Variants in NRXN1 observed in about 807,000 individuals in gnomAD.
NRXN1 encodes neurexin-1.
A neutral mutation model predicts 150.9 loss-of-function variants in NRXN1; 39 were observed. The ratio of observed to expected loss-of-function variants is 0.26; its 90% CI spans 0.20 to 0.34. The LOEUF (loss-of-function observed/expected upper bound fraction) is 0.34, where lower values mean the gene tolerates loss of function less well. Ranked by LOEUF, NRXN1 falls within the 10% of genes least tolerant of loss-of-function variation. NRXN1 has a pLI of 1.00. For synonymous variants in NRXN1, 924 were observed against 757.0 expected (o/e 1.22, Z -3.62); for missense variants, 1,815 against 1,949.9 (o/e 0.93, Z 1.30).
rs538235550 is a variant in NRXN1, at chr2:50,550,983, T to C, written c.1759+1604A>G. ...GGCGTGAGCCACCGCGCCCAGCCTCTTCTCAGCTTAAATCAGAAAGAAGAG... is the reference window on the plus strand; with the variant it reads ...GGCGTGAGCCACCGCGCCCAGCCTCCTCTCAGCTTAAATCAGAAAGAAGAG... On this transcript the variant is annotated intron_variant, in intron 9 of 22. Coordinates refer to ENST00000401669, the MANE Select transcript of NRXN1 (RefSeq NM_001330078.2). Among the ~76,000 whole-genome samples the C allele has an allele frequency of 3.3e-5, 5 of 150,150 alleles. No homozygotes were observed. The South Asian group carries it at 1.0e-3, about 31-fold the overall frequency.
chr2:50,031,392 C>A (rs1689157116), intron 21 of NRXN1, among the ~76,000 whole-genome samples: 1 of 151,826 alleles, frequency 6.6e-6, no homozygotes. Context: ...AATTATCTTG[C>A]TTATTACTTA....
At chr2:50,354,558 T>C (rs188154430) in intron 17 of NRXN1, among the ~76,000 whole-genome samples, 3,774 of 116,722 alleles carry the variant, frequency 0.032, 105 homozygotes, top group Non-Finnish European at 0.038. Flanking sequence ...TGCATACATA[T>C]ATATATATAT....
intron 5 of NRXN1, among the ~76,000 whole-genome samples, chr2:50,814,795 GAGC>G (rs565851763): frequency 9.1e-4 from 138 of 152,104 alleles, no homozygotes; most frequent in Admixed American, 3.3e-3. Context: ...ATTATATTTT[GAGC>G]AGAATTATTA....
intron 2 of NRXN1, among the ~76,000 whole-genome samples, chr2:50,971,652 G>A (rs141864436): frequency 0.015 from 2,290 of 151,866 alleles, 68 homozygotes; most frequent in African/African-American, 0.052. Context: ...AAATACTTAA[G>A]TTTTCCTTGA....
At chr2:50,504,856 T>C (rs1381010393) in intron 13 of NRXN1, among the ~76,000 whole-genome samples, 2 of 152,152 alleles carry the variant, frequency 1.3e-5, no homozygotes, top group Non-Finnish European at 2.9e-5. Flanking sequence ...AGCTTCTTAG[T>C]TCCCTGAAAA....
At position 50,053,547 on chromosome 2, in the gene NRXN1, A is replaced by G. The variant is rs1693104388; in HGVS notation, c.3852T>C (p.Ile1284=). 3 of 1,614,038 alleles carry G rather than the reference A, an allele frequency of 1.9e-6. No homozygotes were observed. Among genetic ancestry groups the G allele is most frequent in the Middle Eastern group, 3.3e-4 (2 of 6,062 alleles). The change falls in exon 21 of 23, where the codon ATT becomes ATC. Residue 1284 remains isoleucine (I), a synonymous_variant. Coordinates refer to ENST00000401669, the MANE Select transcript of NRXN1 (RefSeq NM_001330078.2). The part of the protein sequence containing the change: ...TIFNSQATII[I]GGKEQGQPFQ... ...AGGGCTGGCCCTGCTCTTTCCCGCC[A>G]ATTATTATGGTTGCTTGGCTATTGA...
chr2:50,409,506 C>T (rs916373049), intron 17 of NRXN1, among the ~76,000 whole-genome samples: 1 of 152,190 alleles, frequency 6.6e-6, no homozygotes, highest in Non-Finnish European at 1.5e-5. Flanking sequence ...TTGTCATTCT[C>T]AAAACAACAA....
chr2:50,447,948 G>A (rs2086609554), intron 17 of NRXN1, among the ~76,000 whole-genome samples: 1 of 151,444 alleles, frequency 6.6e-6, no homozygotes, highest in African/African-American at 2.4e-5. Flanking sequence ...ATGATAATAA[G>A]CAAGTAAAGT....
At chr2:50,769,256 T>C (rs1323706082) in intron 5 of NRXN1, among the ~76,000 whole-genome samples, 1 of 151,966 alleles carries the variant, frequency 6.6e-6, no homozygotes, top group African/African-American at 2.4e-5. Context: ...AAACCTGCAG[T>C]TAAGCAAGAG....
chr2:50,612,700 T>C (rs1418744710), intron 8 of NRXN1, among the ~76,000 whole-genome samples: 28 of 152,206 alleles, frequency 1.8e-4, no homozygotes. Flanking sequence ...ACAGTGTTTA[T>C]GCCATGGGGG....
chr2:50,640,724 C>T (rs1279558341), intron 5 of NRXN1, among the ~76,000 whole-genome samples: 1 of 152,182 alleles, frequency 6.6e-6, no homozygotes, highest in African/African-American at 2.4e-5. Flanking sequence ...CTGACTTAGA[C>T]AATCACATTT....
intron 18 of NRXN1, among the ~76,000 whole-genome samples, chr2:50,199,592 G>A (rs958947476): frequency 1.1e-4 from 16 of 151,076 alleles, no homozygotes; most frequent in Non-Finnish European, 1.9e-4. Context: ...TAATAAGTCA[G>A]TAATGAGTAT....
intron 5 of NRXN1, among the ~76,000 whole-genome samples, chr2:50,654,205 A>AT (rs1217219446): frequency 4.1e-4 from 15 of 36,758 alleles, no homozygotes; most frequent in African/African-American, 1.1e-3. Context: ...AACAGGCCCC[A>AT]GTGTGATGTT....
intron 13 of NRXN1, among the ~76,000 whole-genome samples, chr2:50,500,102 C>T (rs1273911058): frequency 6.6e-6 from 1 of 151,714 alleles, no homozygotes; most frequent in Non-Finnish European, 1.5e-5. Context: ...GATGAAACAA[C>T]CAATAGTAAA....
intron 12 of NRXN1, among the ~76,000 whole-genome samples, chr2:50,507,310 A>C (rs1005856723): frequency 1.9e-4 from 29 of 151,992 alleles, no homozygotes; most frequent in African/African-American, 7.0e-4. Flanking sequence ...TGTGTGGCAG[A>C]GGCACTTCTG....
chr2:50,678,561 C>A (rs750856301), intron 5 of NRXN1, among the ~76,000 whole-genome samples: 14 of 152,130 alleles, frequency 9.2e-5, no homozygotes, highest in African/African-American at 3.4e-4. Context: ...ATTGGAAAAA[C>A]CTCATTTTCA....
At chr2:50,741,040 C>T (rs1007025781) in intron 5 of NRXN1, among the ~76,000 whole-genome samples, 15 of 152,102 alleles carry the variant, frequency 9.9e-5, no homozygotes, top group East Asian at 5.8e-4. Context: ...AAATCTGTGA[C>T]GGCTATGACT....
intron 21 of NRXN1, among the ~76,000 whole-genome samples, chr2:50,045,522 T>G (rs1027972027): frequency 6.6e-6 from 1 of 152,046 alleles, no homozygotes; most frequent in African/African-American, 2.4e-5. Flanking sequence ...TTTTTGTACT[T>G]TTCCTTCCTC....
At chr2:49,982,217 G>A (rs1191645099) in intron 21 of NRXN1, among the ~76,000 whole-genome samples, 1 of 152,120 alleles carries the variant, frequency 6.6e-6, no homozygotes, top group Non-Finnish European at 1.5e-5. Flanking sequence ...GGAATGATGA[G>A]ATGAATAGAT....
Sources: gnomAD v4.1 joint callset for allele counts (sites outside exome capture counted in the v4.1 genomes callset) on GRCh38, gnomAD v4.1.1 for gene constraint, MANE v1.5 for transcripts, NCBI Gene and HGNC (gene_info 2026-07-23, HGNC 2026-07-21) for gene names.